TAF1: variants seen among roughly 807,000 people sequenced by gnomAD.
TAF1 encodes TATA-box binding protein associated factor 1, also known as transcription initiation factor TFIID subunit 1.
Under a neutral mutation model 138.5 loss-of-function variants are expected in TAF1, and 2 were observed. The ratio of observed to expected loss-of-function variants is 0.01; its 90% CI spans 0.01 to 0.05. The LOEUF (loss-of-function observed/expected upper bound fraction) is 0.05, where lower values mean the gene tolerates loss of function less well. Ranked by LOEUF, TAF1 falls within the 10% of genes least tolerant of loss-of-function variation. The probability of loss-of-function intolerance (pLI) is 1.00; values close to 1 mark genes in which losing one functional copy is unlikely to be tolerated. For missense variants in TAF1, 709 were observed against 1,478.0 expected (o/e 0.48, Z 8.53); for synonymous variants, 437 against 503.2 (o/e 0.87, Z 1.76).
chrX:71,376,841 T>A, intron 4 of TAF1, 109 bp from the exon 5 acceptor site: 1 of 1,079,502 alleles, frequency 9.3e-7, no homozygotes. Flanking sequence ...TGCTTGGGCC[T>A]ATATCTCCTG....
intron 13 of TAF1, among the ~76,000 whole-genome samples, chrX:71,482,075 T>G (rs1400350770): frequency 1.8e-5 from 2 of 112,130 alleles, no homozygotes; most frequent in African/African-American, 6.5e-5. Context: ...TCGGCCTTCG[T>G]GCTTGTTGCC....
rs749412442 is a variant in TAF1, at chrX:71,427,133, T to C, written c.4753+2895T>C. ...TAAGCATTCTGGGCAGAGAACACAA[T>C]GTTCAATATCATGGAAGAATGAAAG... On this transcript the variant is annotated intron_variant, in intron 32 of 37. Coordinates refer to ENST00000423759, the MANE Select transcript of TAF1 (RefSeq NM_004606.5). Among the ~76,000 whole-genome samples, 3 of 112,031 alleles carry C rather than the reference T, an allele frequency of 2.7e-5. 1 individual carries two copies. In the Admixed American group the frequency reaches 2.8e-4, roughly 11 times the overall value.
At chrX:71,495,635 T>C (rs1318331056) in intron 13 of TAF1, among the ~76,000 whole-genome samples, 1 of 111,919 alleles carries the variant, frequency 8.9e-6, no homozygotes, top group Non-Finnish European at 1.9e-5. Context: ...CCAAAGAGTC[T>C]ATTTGGGATT....
intron 15 of TAF1, 80 bp downstream of exon 15, chrX:71,387,541 G>A: frequency 9.0e-7 from 1 of 1,114,436 alleles, no homozygotes; most frequent in Non-Finnish European, 1.2e-6. Flanking sequence ...GCTCATGGCT[G>A]TAATCCCAGC....
At chrX:71,383,789 A>G (rs2034041482) in intron 12 of TAF1, among the ~76,000 whole-genome samples, 173 bp from the exon 13 acceptor site, 1 of 112,362 alleles carries the variant, frequency 8.9e-6, no homozygotes, top group African/African-American at 3.2e-5. Flanking sequence ...ATACATGGAT[A>G]TGGAGGGCCG....
At position 71,423,253 on chromosome X, in the gene TAF1, G is replaced by A; in HGVS notation, c.4575+14G>A. 8.3e-7 allele frequency: 1 copy of A among 1,211,130 alleles called. No homozygotes were observed. The highest frequency in any genetic ancestry group is 1.1e-6 in the Non-Finnish European group (1 of 895,128). ...GCAGTTCCAGATGTAAGCTGTCTCT[G>A]TGCCAAATACTGTGAGGATCGTGCA... On this transcript the variant is annotated intron_variant, in intron 30 of 37. Coordinates refer to ENST00000423759, the MANE Select transcript of TAF1 (RefSeq NM_004606.5).
chrX:71,387,004 C>G, intron 14 of TAF1: 1 of 349,501 alleles, frequency 2.9e-6, no homozygotes, highest in African/African-American at 2.6e-5. Flanking sequence ...CATGTTAAAT[C>G]ATAGAGGTAA....
At position 71,464,110 on chromosome X, in the gene TAF1, C is replaced by A; in HGVS notation, c.*64C>A. 1 of 1,017,413 alleles carries A rather than the reference C, an allele frequency of 9.8e-7. No individual in the cohort carries two copies. Among genetic ancestry groups the A allele is most frequent in the Non-Finnish European group, 1.3e-6 (1 of 742,507 alleles). 83.8% of individuals were successfully genotyped at this position (1,017,413 alleles called of 1,213,427 possible). ...TCCAGCCTAGGTGGTTCACCTTTCC[C>A]CAATTTGTTCATATTTGTACAGTAT... On this transcript the variant is annotated 3_prime_UTR_variant, in exon 38 of 38. Coordinates refer to ENST00000423759, the MANE Select transcript of TAF1 (RefSeq NM_004606.5).
chrX:71,373,474 T>C (rs1321810062), intron 3 of TAF1, among the ~76,000 whole-genome samples: 1 of 110,755 alleles, frequency 9.0e-6, no homozygotes, highest in Non-Finnish European at 1.9e-5. Flanking sequence ...GCCCTATACT[T>C]ACTATTTGTA....
At chrX:71,395,932 C>T (rs905625956) in intron 22 of TAF1, among the ~76,000 whole-genome samples, 7 of 110,244 alleles carry the variant, frequency 6.3e-5, no homozygotes, top group South Asian at 3.9e-4. Context: ...CTGAGGCAGG[C>T]GGATCACCTG....
chrX:71,459,291 C>A, intron 35 of TAF1: 1 of 1,129,153 alleles, frequency 8.9e-7, no homozygotes, highest in Non-Finnish European at 1.2e-6. Flanking sequence ...ACGTTATGCC[C>A]TTATATGATA....
At chrX:71,501,471 G>A (rs2039505686) in intron 13 of TAF1, among the ~76,000 whole-genome samples, 1 of 110,183 alleles carries the variant, frequency 9.1e-6, no homozygotes, top group Non-Finnish European at 1.9e-5. Flanking sequence ...AAGAGAGGCA[G>A]GAGGAAGTTT....
At chrX:71,387,531 G>T in intron 15 of TAF1, 70 bp downstream of exon 15, 2 of 1,144,208 alleles carry the variant, frequency 1.7e-6, no homozygotes, top group Non-Finnish European at 2.4e-6. Flanking sequence ...GGGCATGGCG[G>T]CTCATGGCTG....
intron 35 of TAF1, 131 bp downstream of exon 35, chrX:71,458,497 CT>C: frequency 1.1e-6 from 1 of 926,101 alleles, no homozygotes; most frequent in Non-Finnish European, 1.4e-6. Context: ...GGAATGAAAG[CT>C]TAGAAATGGG....
intron 37 of TAF1, among the ~76,000 whole-genome samples, chrX:71,461,665 T>C (rs918824781): frequency 9.8e-5 from 11 of 111,909 alleles, no homozygotes; most frequent in African/African-American, 3.6e-4. Flanking sequence ...AGCAAGCAGA[T>C]AATATGCAAT....
chrX:71,529,582 T>A (rs2040065900), intron 14 of TAF1: 2 of 271,746 alleles, frequency 7.4e-6, no homozygotes, highest in South Asian at 7.6e-5. Context: ...AAGCCTCTCA[T>A]CTAAAGGCAT....
At chrX:71,483,778 CTCTATATA>C (rs1205750510) in intron 13 of TAF1, among the ~76,000 whole-genome samples, 18 of 54,150 alleles carry the variant, frequency 3.3e-4, no homozygotes, top group African/African-American at 1.3e-3. Context: ...CTCTCTCTCT[CTCTATATA>C]TATATATATA....
chrX:71,510,340 G>GA (rs1235037112), intron 13 of TAF1, among the ~76,000 whole-genome samples: 1,758 of 101,730 alleles, frequency 0.017, 43 homozygotes, highest in African/African-American at 0.058. Flanking sequence ...TTCCCTAGTA[G>GA]AAAAAAAAAA....
At chrX:71,508,086 C>A (rs572087179) in intron 13 of TAF1, among the ~76,000 whole-genome samples, 2,934 of 92,104 alleles carry the variant, frequency 0.032, 60 homozygotes, top group Non-Finnish European at 0.036. Context: ...CTCTCTCTCT[C>A]TATATATATA....
Sources: allele counts gnomAD v4.1 joint callset (sites outside exome capture counted in the v4.1 genomes callset), GRCh38; gene constraint gnomAD v4.1.1; transcripts MANE v1.5; gene names NCBI Gene and HGNC (gene_info 2026-07-23, HGNC 2026-07-21).